SCN3B: variants seen among roughly 807,000 people sequenced by gnomAD.
SCN3B encodes the protein sodium channel regulatory subunit beta-3.
In SCN3B, 11 loss-of-function variants were observed where a neutral mutation model predicts 25.4. That is an observed-to-expected ratio of 0.43 (90% CI 0.27 to 0.72). The LOEUF is 0.72. SCN3B is among the 30% of genes least tolerant of loss of function. The probability of loss-of-function intolerance (pLI) is 0.18; values close to 1 mark genes in which losing one functional copy is unlikely to be tolerated. For synonymous variants in SCN3B, 109 were observed against 110.7 expected, an observed-to-expected ratio of 0.99 and a Z score of 0.09; for missense variants, 218 against 278.3, an observed-to-expected ratio of 0.78 and a Z score of 1.54.
In SCN3B at chr11:123,645,395, C is replaced by G. The variant is rs565830357; in HGVS notation, c.219+192G>C. Among the ~76,000 whole-genome samples, 89 of 152,276 alleles carry G rather than the reference C, an allele frequency of 5.8e-4. 2 individuals are homozygous for G. In the South Asian group the frequency reaches 0.016, roughly 28 times the overall value. On this transcript the variant is annotated intron_variant, in intron 3 of 6. Transcript: ENST00000299333. The stretch of plus-strand genomic sequence containing the variant: ...AGCCCATAATCAAGGGTGCTTGCAG[C>G]TGGCCCAGTGCCCTTTCTCTCACAG...
At chr11:123,652,926 C>T (rs957614581) in intron 2 of SCN3B, among the ~76,000 whole-genome samples, 1 of 152,186 alleles carries the variant, frequency 6.6e-6, no homozygotes, top group Non-Finnish European at 1.5e-5. Context: ...TCACATAGAT[C>T]AATCCCCTTT....
chr11:123,642,618 G>A lies in SCN3B; in HGVS notation c.273C>T (p.Arg91=). ...GGTCCTTGCTGCCATTCCACTGCAGGCGCCCCTGAAAGGGGCTCTCCACCT... is the reference window on the plus strand; with the variant it reads ...GGTCCTTGCTGCCATTCCACTGCAGACGCCCCTGAAAGGGGCTCTCCACCT... ...HQEVESPFQG[R]LQWNGSKDLQ... is the part of the protein sequence containing the mutation. The change falls in exon 4 of 7, where the codon CGC becomes CGT. Residue 91 remains arginine, a synonymous_variant. Coordinates refer to ENST00000299333, the MANE Select transcript of SCN3B (RefSeq NM_001040151.2). The surrounding 1 kb of genome is among the most constrained non-coding windows in gnomAD (Gnocchi z 4.3). The A allele has an allele frequency of 6.2e-7, 1 of 1,614,210 alleles. No individual in the cohort carries two copies. Among genetic ancestry groups the A allele is most frequent in the East Asian group, 2.2e-5 (1 of 44,882 alleles).
intron 4 of SCN3B, among the ~76,000 whole-genome samples, chr11:123,641,568 G>A (rs1039202819): frequency 6.6e-6 from 1 of 152,170 alleles, no homozygotes; most frequent in Non-Finnish European, 1.5e-5. Context: ...CTCACTAGCA[G>A]TGATAATGCT....
chr11:123,645,780 A>C, intron 2 of SCN3B, 30 bp from the exon 3 acceptor site: 1 of 1,613,188 alleles, frequency 6.2e-7, no homozygotes, highest in Non-Finnish European at 8.5e-7. Flanking sequence ...ACAGGGAAGG[A>C]ACAGCAGGTG....
rs1955669194 is a variant in SCN3B at position 123,631,273 on chromosome 11, C to T, written c.*2526G>A. Reference sequence around the variant, plus strand: ...CAATCATGCATACTGCCGGGTTCAACTTAGATACACGAGCTATTGGGCCAC... The same window carrying T: ...CAATCATGCATACTGCCGGGTTCAATTTAGATACACGAGCTATTGGGCCAC... On this transcript the variant is annotated 3_prime_UTR_variant, in exon 7 of 7. Transcript: ENST00000299333. 6.6e-6 allele frequency: 1 copy of T among 152,016 alleles called. No individual in the cohort carries two copies. Among genetic ancestry groups the T allele is most frequent in the Non-Finnish European group, 1.5e-5 (1 of 68,000 alleles). 9.4% of individuals were successfully genotyped at this position (152,016 alleles called of 1,614,324 possible).
chr11:123,644,601 G>C (rs1442268939), intron 3 of SCN3B, among the ~76,000 whole-genome samples: 1 of 151,932 alleles, frequency 6.6e-6, no homozygotes, highest in African/African-American at 2.4e-5. Context: ...GCAAAACTCT[G>C]TCTCTACTAA....
At position 123,652,113 on chromosome 11, in the gene SCN3B, T is replaced by C. The variant is rs113108693; in HGVS notation, c.55+1634A>G. ...GGATCTCAAAATCTTAGATTAGAGT[T>C]CAGGAAGAAAGTCTCTGCAGAGTCT... On this transcript the variant is annotated intron_variant, in intron 2 of 6. Coordinates refer to ENST00000299333, the MANE Select transcript of SCN3B (RefSeq NM_001040151.2). 2.3e-3 allele frequency among the ~76,000 whole-genome samples: 348 copies of C among 152,346 alleles called. 4 individuals are homozygous for C. Among genetic ancestry groups the C allele is most frequent in the South Asian group, 0.016 (77 of 4,828 alleles).
rs1955805657 is a variant in SCN3B, at chr11:123,642,614, G to T, written c.277C>A (p.Gln93Lys). Residue 93 changes from glutamine (Q) to lysine (K), a missense_variant, in exon 4 of 7, where the codon CAG (glutamine) becomes AAG (lysine). Coordinates refer to ENST00000299333, the MANE Select transcript of SCN3B (RefSeq NM_001040151.2). This position sits in a 1 kb window ranked among gnomAD's most constrained non-coding sequence, Gnocchi z 4.3. ...EVESPFQGRL[Q>K]WNGSKDLQDV... ...TGCAGGTCCTTGCTGCCATTCCACT[G>T]CAGGCGCCCCTGAAAGGGGCTCTCC... 3 of 1,614,210 alleles carry T rather than the reference G, an allele frequency of 1.9e-6. No individual in the cohort carries two copies. The highest frequency in any genetic ancestry group is 2.5e-6 in the Non-Finnish European group (3 of 1,180,040).
At chr11:123,649,665 TTTC>T (rs1393690438) in intron 2 of SCN3B, among the ~76,000 whole-genome samples, 1 of 149,512 alleles carries the variant, frequency 6.7e-6, no homozygotes, top group Non-Finnish European at 1.5e-5. Context: ...TCTTTCTTTC[TTTC>T]TTTTTTTCCT....
rs1760228311 is a variant in SCN3B, at chr11:123,631,324, A to G, written c.*2475T>C. 6.6e-6 allele frequency: 1 copy of G among 152,212 alleles called. No homozygotes were observed. The highest frequency in any genetic ancestry group is 2.1e-4 in the South Asian group (1 of 4,824). 9.4% of individuals were successfully genotyped at this position (152,212 alleles called of 1,614,324 possible). On this transcript the variant is annotated 3_prime_UTR_variant, in exon 7 of 7. Transcript: ENST00000299333. Reference sequence around the variant, plus strand: ...CGAGGAAAACGGTGTGGTAGTAAGCATCTTGCTACTACCGCAAGCTGGTGG... The same window carrying G: ...CGAGGAAAACGGTGTGGTAGTAAGCGTCTTGCTACTACCGCAAGCTGGTGG...
chr11:123,651,198 T>C (rs1591350905), intron 2 of SCN3B, among the ~76,000 whole-genome samples: 1 of 152,022 alleles, frequency 6.6e-6, no homozygotes, highest in Admixed American at 6.5e-5. Context: ...ATAAGGAAAC[T>C]TTTTTTCATG....
Position 123,630,112 on chromosome 11 carries a change from A to C in SCN3B, c.*3687T>G, listed in dbSNP as rs1955651357. On this transcript the variant is annotated 3_prime_UTR_variant, in exon 7 of 7. Transcript: ENST00000299333. The stretch of plus-strand genomic sequence containing the variant: ...TTCCTAGTAATATTTCTAGTTGGAC[A>C]TCTAAGGAGAAACCTGCAACTCAGA... 6.6e-6 allele frequency: 1 copy of C among 152,240 alleles called. No individual in the cohort carries two copies. The highest frequency in any genetic ancestry group is 1.5e-5 in the Non-Finnish European group (1 of 68,044). 9.4% of individuals were successfully genotyped at this position (152,240 alleles called of 1,614,324 possible).
At chr11:123,646,445 G>C (rs560953389) in intron 2 of SCN3B, among the ~76,000 whole-genome samples, 4 of 152,332 alleles carry the variant, frequency 2.6e-5, no homozygotes, top group South Asian at 4.1e-4. Context: ...AAGTCGTGGA[G>C]AGATGTAATT....
rs1173815366 is a variant in SCN3B at position 123,642,896 on chromosome 11, T to G, written c.220-225A>C. Among the ~76,000 whole-genome samples, 4 of 151,412 alleles carry G rather than the reference T, an allele frequency of 2.6e-5. No homozygotes were observed. The highest frequency in any genetic ancestry group is 2.1e-4 in the South Asian group (1 of 4,792). On this transcript the variant is annotated intron_variant, in intron 3 of 6. Coordinates refer to ENST00000299333, the MANE Select transcript of SCN3B (RefSeq NM_001040151.2). This position sits in a 1 kb window ranked among gnomAD's most constrained non-coding sequence, Gnocchi z 4.3. Reference sequence around the variant, plus strand: ...GAAGGACAGGCAGAGGCAGCAGGCATCAGGGCATGTGGACGTGGTGAGGAC... The same window carrying G: ...GAAGGACAGGCAGAGGCAGCAGGCAGCAGGGCATGTGGACGTGGTGAGGAC...
intron 4 of SCN3B, chr11:123,639,860 T>C (rs1355585015): frequency 6.6e-6 from 1 of 152,236 alleles, no homozygotes; most frequent in Non-Finnish European, 1.5e-5. Context: ...TATTATCTTA[T>C]TTGTTTCATG....
At chr11:123,651,956 C>T (rs1248155215) in intron 2 of SCN3B, among the ~76,000 whole-genome samples, 2 of 152,170 alleles carry the variant, frequency 1.3e-5, no homozygotes, top group East Asian at 1.9e-4. Context: ...ACAGAAGGAA[C>T]CAGATAGCAC....
At chr11:123,638,044 G>T in intron 5 of SCN3B, 142 bp downstream of exon 5, 2 of 984,878 alleles carry the variant, frequency 2.0e-6, no homozygotes, top group Non-Finnish European at 3.1e-6. Flanking sequence ...CTGTAAAATG[G>T]GTATAATAAT....
chr11:123,645,577 T>C lies in SCN3B; in HGVS notation c.219+10A>G, dbSNP rs998416916. ...GCAGAAGAAAGGCCAGAGTCAGCAG[T>C]CTAACATACAAGGAAATCTTTACCG... On this transcript the variant is annotated intron_variant, in intron 3 of 6. Transcript: ENST00000299333. The C allele has an allele frequency of 6.2e-6, 10 of 1,614,016 alleles. No individual in the cohort carries two copies. The highest frequency in any genetic ancestry group is 8.5e-6 in the Non-Finnish European group (10 of 1,179,964).
At chr11:123,646,044 C>T (rs894603753) in intron 2 of SCN3B, among the ~76,000 whole-genome samples, 1 of 152,106 alleles carries the variant, frequency 6.6e-6, no homozygotes, top group Non-Finnish European at 1.5e-5. Flanking sequence ...GCCCTGCTCT[C>T]TAAGTCTTAT....
Sources: gnomAD v4.1 joint callset for allele counts (sites outside exome capture counted in the v4.1 genomes callset) on GRCh38, gnomAD v4.1.1 for gene constraint, Gnocchi (gnomAD v3.1) non-coding constraint, MANE v1.5 for transcripts, NCBI Gene and HGNC (gene_info 2026-07-23, HGNC 2026-07-21) for gene names.